SIL1: variants seen among roughly 807,000 people sequenced by gnomAD.
SIL1 encodes the protein nucleotide exchange factor SIL1.
A neutral mutation model predicts 49.1 loss-of-function variants in SIL1; 40 were observed. The observed-to-expected ratio is 0.81, with a 90% CI of 0.63 to 1.06. The LOEUF (loss-of-function observed/expected upper bound fraction) is 1.06. Among genes scored for constraint, SIL1 ranks in the 50% least tolerant of loss-of-function variants. SIL1 has a pLI of 0.00. For synonymous variants in SIL1, 253 were observed against 250.8 expected, an observed-to-expected ratio of 1.01 and a Z score of -0.08; for missense variants, 500 against 572.6, an observed-to-expected ratio of 0.87 and a Z score of 1.29.
intron 3 of SIL1, among the ~76,000 whole-genome samples, chr5:139,107,494 G>C (rs761036870): frequency 1.3e-3 from 194 of 152,260 alleles, no homozygotes; most frequent in Non-Finnish European, 2.3e-3. Flanking sequence ...TCAAAACTAA[G>C]AAATTATACA....
At chr5:139,187,399 C>G (rs959588080) in intron 1 of SIL1, among the ~76,000 whole-genome samples, 1 of 152,036 alleles carries the variant, frequency 6.6e-6, no homozygotes, top group Non-Finnish European at 1.5e-5. Flanking sequence ...TGCCTGTGGT[C>G]CCAGCTACTT....
intron 1 of SIL1, among the ~76,000 whole-genome samples, chr5:139,159,560 G>A (rs1217023855): frequency 6.6e-6 from 1 of 151,860 alleles, no homozygotes; most frequent in Non-Finnish European, 1.5e-5. Flanking sequence ...GAGGCTTCTT[G>A]GGGAAAAAAA....
At chr5:139,074,088 A>G (rs1319841409) in intron 3 of SIL1, among the ~76,000 whole-genome samples, 1 of 152,124 alleles carries the variant, frequency 6.6e-6, no homozygotes, top group East Asian at 1.9e-4. Context: ...ACAAGGACTC[A>G]CTCTGTCACC....
At chr5:139,036,607 A>G (rs1488338296) in intron 5 of SIL1, among the ~76,000 whole-genome samples, 3 of 152,206 alleles carry the variant, frequency 2.0e-5, no homozygotes, top group African/African-American at 7.2e-5. Context: ...CAGAAAACCA[A>G]ATACCACATG....
At chr5:139,105,197 TG>T (rs1391253711) in intron 3 of SIL1, among the ~76,000 whole-genome samples, 3 of 151,578 alleles carry the variant, frequency 2.0e-5, no homozygotes, top group Non-Finnish European at 4.4e-5. Context: ...GAAGAGAAGG[TG>T]GGGAAGAGGG....
In SIL1 at chr5:139,181,404, C is replaced by T. The variant is rs535014954; in HGVS notation, c.-11+16865G>A. Among the ~76,000 whole-genome samples, 7 of 152,274 alleles carry T rather than the reference C, an allele frequency of 4.6e-5. No individual in the cohort carries two copies. In the East Asian group the frequency reaches 9.6e-4, roughly 21 times the overall value. ...CAAGCAATTTATTGTTGAAAACCCC[C>T]GCAGGGCTGGAGGAGTTATATACAA... On this transcript the variant is annotated intron_variant, in intron 1 of 9. Transcript: ENST00000394817.
chr5:139,049,068 G>C (rs940479911), intron 4 of SIL1, among the ~76,000 whole-genome samples: 1 of 152,308 alleles, frequency 6.6e-6, no homozygotes, highest in East Asian at 1.9e-4. Context: ...AGTGCACATG[G>C]ACCAGCTGAG....
chr5:139,032,650 A>G lies in SIL1; in HGVS notation c.454-5658T>C, dbSNP rs116366910. Among the ~76,000 whole-genome samples, 81 of 152,272 alleles carry G rather than the reference A, an allele frequency of 5.3e-4. No individual in the cohort carries two copies. The Middle Eastern group carries it at 0.014, about 26-fold the overall frequency. ...TGTAGAATTGACGCCAGTGGTTTTT[A>G]AATGTTTGGTTAATATCTCCAGTGA... On this transcript the variant is annotated intron_variant, in intron 5 of 9. Transcript: ENST00000394817.
intron 1 of SIL1, among the ~76,000 whole-genome samples, chr5:139,161,490 T>C (rs1020216585): frequency 1.3e-5 from 2 of 152,194 alleles, no homozygotes; most frequent in African/African-American, 4.8e-5. Context: ...TCTGCAGGGC[T>C]ACAGTTCTCA....
At chr5:139,170,153 T>C (rs1314398080) in intron 1 of SIL1, among the ~76,000 whole-genome samples, 1 of 152,086 alleles carries the variant, frequency 6.6e-6, no homozygotes, top group Non-Finnish European at 1.5e-5. Flanking sequence ...GCAGACGGAG[T>C]CTGGTTCACT....
chr5:139,005,601 C>A (rs1472349812), intron 7 of SIL1, among the ~76,000 whole-genome samples: 170 of 98,358 alleles, frequency 1.7e-3, no homozygotes, highest in South Asian at 3.3e-3. Flanking sequence ...ATCCCTCCCC[C>A]CTCCCCCCAC....
At chr5:139,024,545 G>C (rs1768601715) in intron 6 of SIL1, among the ~76,000 whole-genome samples, 1 of 152,214 alleles carries the variant, frequency 6.6e-6, no homozygotes, top group Non-Finnish European at 1.5e-5. Flanking sequence ...CAGAGAACAA[G>C]GGCACTGTCG....
chr5:139,011,373 A>G (rs1273421849), intron 7 of SIL1, among the ~76,000 whole-genome samples: 1 of 152,180 alleles, frequency 6.6e-6, no homozygotes, highest in Non-Finnish European at 1.5e-5. Context: ...GGCACTCCCT[A>G]GTGAGATGAA....
At chr5:139,083,220 C>T (rs1266300910) in intron 3 of SIL1, among the ~76,000 whole-genome samples, 3 of 152,202 alleles carry the variant, frequency 2.0e-5, no homozygotes, top group Non-Finnish European at 4.4e-5. Flanking sequence ...TCAGATGTAC[C>T]TTGAAGGTTG....
At chr5:139,044,684 T>G (rs904516380) in intron 4 of SIL1, among the ~76,000 whole-genome samples, 1 of 152,202 alleles carries the variant, frequency 6.6e-6, no homozygotes, top group African/African-American at 2.4e-5. Flanking sequence ...CAGATCGCAG[T>G]TGCCTTTACA....
At chr5:138,957,876 A>G (rs1366342523) in intron 7 of SIL1, among the ~76,000 whole-genome samples, 1 of 152,048 alleles carries the variant, frequency 6.6e-6, no homozygotes, top group Non-Finnish European at 1.5e-5. Flanking sequence ...CAGCTGTCCC[A>G]ATAATAGTCC....
At chr5:139,027,099 C>G in intron 5 of SIL1, 107 bp from the exon 6 acceptor site, 1 of 984,432 alleles carries the variant, frequency 1.0e-6, no homozygotes, top group Non-Finnish European at 1.6e-6. Flanking sequence ...CTCCAAGACT[C>G]ACAGTCTTCT....
At chr5:139,171,722 T>TAAAAAAAAAAAAAAA (rs1391989130) in intron 1 of SIL1, among the ~76,000 whole-genome samples, 1 of 127,794 alleles carries the variant, frequency 7.8e-6, no homozygotes. Context: ...AGAAAAAAAA[T>TAAAAAAAAAAAAAAA]AAAAAAGAAA....
chr5:139,193,758 G>C (rs1752216660), intron 1 of SIL1, among the ~76,000 whole-genome samples: 1 of 152,156 alleles, frequency 6.6e-6, no homozygotes, highest in African/African-American at 2.4e-5. Flanking sequence ...GTTTGCCCCG[G>C]ACTTTCCTGC....
Sources: gnomAD v4.1 joint callset for allele counts (sites outside exome capture counted in the v4.1 genomes callset) on GRCh38, gnomAD v4.1.1 for gene constraint, MANE v1.5 for transcripts, NCBI Gene and HGNC (gene_info 2026-07-23, HGNC 2026-07-21) for gene names.